Variants in TPRG1 observed in about 807,000 individuals in gnomAD.
TPRG1 encodes the protein tumor protein p63 regulated 1.
A neutral mutation model predicts 29.3 loss-of-function variants in TPRG1; 29 were observed. The ratio of observed to expected loss-of-function variants is 0.99; its 90% CI spans 0.74 to 1.35. The LOEUF (loss-of-function observed/expected upper bound fraction) is 1.35, where lower values mean the gene tolerates loss of function less well. TPRG1 is among the 40% of genes most tolerant of loss of function. The pLI, the probability that TPRG1 is intolerant of heterozygous loss-of-function variation, is 0.00. For missense variants in TPRG1, 327 were observed against 335.0 expected (o/e 0.98, Z 0.19); for synonymous variants, 130 against 116.8 (o/e 1.11, Z -0.73).
intron 3 of TPRG1, among the ~76,000 whole-genome samples, chr3:189,006,878 A>G (rs1712316258): frequency 6.6e-6 from 1 of 152,116 alleles, no homozygotes; most frequent in Non-Finnish European, 1.5e-5. Context: ...AGTCATTGCT[A>G]CAGAGACCGC....
chr3:189,305,348 G>A (rs1266850730), intron 4 of TPRG1, among the ~76,000 whole-genome samples: 1 of 152,236 alleles, frequency 6.6e-6, no homozygotes, highest in Non-Finnish European at 1.5e-5. Context: ...GAGGAGAGGA[G>A]TCTTTCCTGT....
rs143175737 is a variant in TPRG1, at chr3:189,163,884, G to A, written c.-10+13012G>A. On this transcript the variant is annotated intron_variant, in intron 5 of 6. Coordinates refer to the TPRG1 transcript ENST00000412373. ...GTCCCTGAGGCACGCTGGAAACCCCGCCGAGAATCATTCTGAAAACAATTG... is the reference window on the plus strand; with the variant it reads ...GTCCCTGAGGCACGCTGGAAACCCCACCGAGAATCATTCTGAAAACAATTG... Among the ~76,000 whole-genome samples, 358 of 152,114 alleles carry A rather than the reference G, an allele frequency of 2.4e-3. 2 individuals are homozygous for A. Among genetic ancestry groups the A allele is most frequent in the African/African-American group, 8.3e-3 (346 of 41,500 alleles).
chr3:189,320,338 G>A (rs1012207913), intron 5 of TPRG1, among the ~76,000 whole-genome samples: 4 of 152,014 alleles, frequency 2.6e-5, no homozygotes, highest in African/African-American at 9.7e-5. Flanking sequence ...AACTAAAATG[G>A]TACTTGGTAG....
chr3:189,213,719 A>G (rs1182913877), intron 2 of TPRG1, among the ~76,000 whole-genome samples: 1 of 152,226 alleles, frequency 6.6e-6, no homozygotes, highest in Non-Finnish European at 1.5e-5. Context: ...GGCATATAGA[A>G]GCAAACATAA....
intron 4 of TPRG1, 118 bp downstream of exon 4, chr3:189,239,027 A>G (rs1278923226): frequency 3.6e-6 from 3 of 831,700 alleles, no homozygotes; most frequent in African/African-American, 3.5e-5. Context: ...GGATAGTGAA[A>G]TCATGAAAGT....
chr3:189,057,859 CACAT>C (rs1245217996), intron 4 of TPRG1, among the ~76,000 whole-genome samples: 2 of 108,532 alleles, frequency 1.8e-5, no homozygotes, highest in East Asian at 2.6e-4. Context: ...TATATATACA[CACAT>C]ACGTATGTGT....
At chr3:189,097,924 G>A (rs1156368290), upstream of TPRG1, among the ~76,000 whole-genome samples, 1 of 152,076 alleles carries the variant, frequency 6.6e-6, no homozygotes, top group Non-Finnish European at 1.5e-5. Flanking sequence ...CCCCCTTTAC[G>A]TAGTCATCTT....
chr3:189,008,035 C>A (rs1393012739), intron 3 of TPRG1, among the ~76,000 whole-genome samples: 3 of 145,270 alleles, frequency 2.1e-5, no homozygotes, highest in Non-Finnish European at 4.5e-5. Context: ...TACCCTAAAA[C>A]CTAAAGTATA....
At chr3:189,131,097 C>T (rs1445048417) in intron 2 of TPRG1, among the ~76,000 whole-genome samples, 2 of 152,140 alleles carry the variant, frequency 1.3e-5, no homozygotes, top group Admixed American at 1.3e-4. Context: ...TCCTTTTTGG[C>T]AGCATAATTA....
chr3:189,163,057 A>C (rs761410219), intron 5 of TPRG1, among the ~76,000 whole-genome samples: 1 of 152,170 alleles, frequency 6.6e-6, no homozygotes, highest in Non-Finnish European at 1.5e-5. Flanking sequence ...GGGTCACCTG[A>C]GGTCAGGAGT....
intron 3 of TPRG1, among the ~76,000 whole-genome samples, chr3:189,018,222 C>G (rs1401738463): frequency 6.8e-6 from 1 of 146,630 alleles, no homozygotes; most frequent in South Asian, 2.2e-4. Flanking sequence ...TGTGCAGAAG[C>G]TCTTTAGTTT....
At chr3:189,111,576 G>A (rs1172262670) in intron 1 of TPRG1, among the ~76,000 whole-genome samples, 1 of 151,978 alleles carries the variant, frequency 6.6e-6, no homozygotes, top group Non-Finnish European at 1.5e-5. Context: ...GTTAGCCAGG[G>A]ACCATCTGCT....
chr3:189,232,732 A>G (rs1738856412), intron 3 of TPRG1, among the ~76,000 whole-genome samples: 1 of 152,166 alleles, frequency 6.6e-6, no homozygotes, highest in Non-Finnish European at 1.5e-5. Context: ...TTGGGTTTCT[A>G]TTAGTATCCT....
intron 4 of TPRG1, among the ~76,000 whole-genome samples, chr3:189,032,350 T>A (rs1713976265): frequency 1.3e-5 from 2 of 152,188 alleles, no homozygotes; most frequent in African/African-American, 4.8e-5. Flanking sequence ...AAGAAAGCAG[T>A]CCTGCACCTT....
At chr3:189,269,940 C>G (rs1714786296) in intron 4 of TPRG1, among the ~76,000 whole-genome samples, 1 of 152,074 alleles carries the variant, frequency 6.6e-6, no homozygotes, top group Non-Finnish European at 1.5e-5. Flanking sequence ...GGAAATGGAG[C>G]ATTGGTTGAG....
chr3:188,998,455 G>A (rs139324946), intron 1 of TPRG1, among the ~76,000 whole-genome samples: 3 of 152,334 alleles, frequency 2.0e-5, no homozygotes, highest in African/African-American at 4.8e-5. Flanking sequence ...TGTTAGAAAG[G>A]CAGAAAGGAA....
At chr3:189,184,965 T>C (rs1009254024) in intron 1 of TPRG1, among the ~76,000 whole-genome samples, 1 of 152,218 alleles carries the variant, frequency 6.6e-6, no homozygotes, top group African/African-American at 2.4e-5. Flanking sequence ...TATTGTTTCA[T>C]CTTGTTGTGG....
At chr3:189,258,041 C>T (rs748118712) in intron 4 of TPRG1, among the ~76,000 whole-genome samples, 3 of 152,148 alleles carry the variant, frequency 2.0e-5, no homozygotes, top group South Asian at 2.1e-4. Flanking sequence ...TTTGTTCCCT[C>T]GCTGTTGAGG....
intron 4 of TPRG1, among the ~76,000 whole-genome samples, chr3:189,047,378 A>G (rs924536115): frequency 6.6e-6 from 1 of 152,224 alleles, no homozygotes; most frequent in Non-Finnish European, 1.5e-5. Context: ...AATTAAAAAT[A>G]CTTTATTGCT....
Sources: gnomAD v4.1 joint callset for allele counts (sites outside exome capture counted in the v4.1 genomes callset) on GRCh38, gnomAD v4.1.1 for gene constraint, MANE v1.5 for transcripts, NCBI Gene and HGNC (gene_info 2026-07-23, HGNC 2026-07-21) for gene names.